The following PLSCR2 variants were observed in gnomAD, a reference collection of about 807,000 sequenced individuals.
The protein encoded by PLSCR2 is phospholipid scramblase 2.
A neutral mutation model predicts 25.3 loss-of-function variants in PLSCR2; 18 were observed. The observed-to-expected ratio is 0.71, with a 90% confidence interval of 0.49 to 1.06. The LOEUF (loss-of-function observed/expected upper bound fraction) is 1.06. Among genes scored for constraint, PLSCR2 ranks in the 50% least tolerant of loss-of-function variants. The pLI is 0.00. For synonymous variants in PLSCR2, 88 were observed against 87.3 expected (o/e 1.01, Z -0.04); for missense variants, 243 against 269.5 (o/e 0.90, Z 0.69).
intron 2 of PLSCR2, among the ~76,000 whole-genome samples, chr3:146,426,827 C>A (rs1204119079): frequency 2.0e-5 from 3 of 151,992 alleles, no homozygotes; most frequent in Non-Finnish European, 4.4e-5. Context: ...TAGTATTCTG[C>A]ACTAAATTAC....
chr3:146,450,150 A>G (rs2040813719), intron 5 of PLSCR2, among the ~76,000 whole-genome samples: 1 of 152,218 alleles, frequency 6.6e-6, no homozygotes, highest in African/African-American at 2.4e-5. Flanking sequence ...TAGTGGCGGA[A>G]TATAACTAAC....
At chr3:146,400,249 A>T (rs2038418860) in intron 2 of PLSCR2, among the ~76,000 whole-genome samples, 1 of 151,726 alleles carries the variant, frequency 6.6e-6, no homozygotes, top group African/African-American at 2.4e-5. Flanking sequence ...ATCTACAAAA[A>T]AGCTACTAGA....
At position 146,493,893 on chromosome 3, in the gene PLSCR2, T is replaced by C. The variant is rs542804687; in HGVS notation, c.-293+2002A>G. ...ATAGACATTATGTTGACATTAATAA[T>C]GTGTAAGATAATATGTTTATGGTTT... On this transcript the variant is annotated intron_variant, in intron 1 of 8. Transcript: ENST00000336685. Among the ~76,000 whole-genome samples, 20 of 149,800 alleles carry C rather than the reference T, an allele frequency of 1.3e-4. No individual in the cohort carries two copies. The South Asian group carries it at 4.3e-3, about 32-fold the overall frequency.
chr3:146,449,403 T>C, intron 5 of PLSCR2, 36 bp from the exon 6 acceptor site: 2 of 1,437,026 alleles, frequency 1.4e-6, no homozygotes, highest in South Asian at 1.3e-5. Flanking sequence ...TAAAAATTTC[T>C]AGAAAACTTA....
At chr3:146,406,403 G>A (rs892967323) in intron 2 of PLSCR2, among the ~76,000 whole-genome samples, 6 of 152,216 alleles carry the variant, frequency 3.9e-5, no homozygotes, top group Non-Finnish European at 7.4e-5. Context: ...CTGGCAGATT[G>A]TGTTGTTCTT....
At chr3:146,407,007 T>C (rs1299453691) in intron 2 of PLSCR2, among the ~76,000 whole-genome samples, 1 of 152,196 alleles carries the variant, frequency 6.6e-6, no homozygotes, top group Non-Finnish European at 1.5e-5. Context: ...GCAAGATAGG[T>C]GGCACCTTCC....
chr3:146,446,129 G>A (rs2040543314), intron 6 of PLSCR2, among the ~76,000 whole-genome samples: 1 of 152,066 alleles, frequency 6.6e-6, no homozygotes, highest in South Asian at 2.1e-4. Context: ...ACATATCTCT[G>A]CCTCCCTGTG....
At chr3:146,431,411 T>C (rs549993277), downstream of PLSCR2, among the ~76,000 whole-genome samples, 2 of 152,326 alleles carry the variant, frequency 1.3e-5, no homozygotes, top group African/African-American at 4.8e-5. Flanking sequence ...AACTCAGATT[T>C]TTAGCCAGCA....
rs183214372 is a variant in PLSCR2, at chr3:146,398,042, A to G, written c.101-2121T>C. Among the ~76,000 whole-genome samples, 1,218 of 152,140 alleles carry G rather than the reference A, an allele frequency of 8.0e-3. 6 individuals carry two copies. Among genetic ancestry groups the G allele is most frequent in the Middle Eastern group, 0.027 (8 of 294 alleles). The stretch of plus-strand genomic sequence containing the variant: ...AGATATTTTAGATATTCAAACAAAC[A>G]AACATGTTTTAGATGAAAGTTAGGG... On this transcript the variant is annotated intron_variant and NMD_transcript_variant, in intron 2 of 3. Transcript: ENST00000463633.
At chr3:146,393,882 T>A (rs2107970693) in intron 3 of PLSCR2, among the ~76,000 whole-genome samples, 1 of 151,640 alleles carries the variant, frequency 6.6e-6, no homozygotes, top group South Asian at 2.1e-4. Flanking sequence ...TTTAAATAAC[T>A]TTACTAATGT....
At chr3:146,392,170 A>G (rs55817202) in intron 3 of PLSCR2, among the ~76,000 whole-genome samples, 1,609 of 152,110 alleles carry the variant, frequency 0.011, 27 homozygotes, top group African/African-American at 0.036. Context: ...TTTGCTGTTT[A>G]TTTAAGTTTG....
chr3:146,429,132 T>C (rs547321376), downstream of PLSCR2, among the ~76,000 whole-genome samples: 14 of 152,302 alleles, frequency 9.2e-5, no homozygotes, highest in African/African-American at 3.4e-4. Flanking sequence ...TGGCTCATGG[T>C]TCTGCAGGCT....
downstream of PLSCR2, among the ~76,000 whole-genome samples, chr3:146,438,561 T>C (rs929134270): frequency 6.6e-5 from 10 of 152,178 alleles, no homozygotes; most frequent in South Asian, 2.1e-4. Flanking sequence ...TCTTTGTTGG[T>C]TTAAAGTCTG....
At chr3:146,493,162 T>C (rs1560065415) in intron 1 of PLSCR2, among the ~76,000 whole-genome samples, 1 of 151,868 alleles carries the variant, frequency 6.6e-6, no homozygotes, top group East Asian at 1.9e-4. Context: ...GAATGAGTAA[T>C]AAAAAACCTA....
intron 2 of PLSCR2, among the ~76,000 whole-genome samples, chr3:146,423,350 G>T (rs1219406809): frequency 6.8e-6 from 1 of 146,566 alleles, no homozygotes; most frequent in Middle Eastern, 3.4e-3. Context: ...TAACTTGGAA[G>T]TAAAATTGAT....
exon 5 of PLSCR2, chr3:146,454,067 C>T: frequency 6.2e-7 from 1 of 1,610,590 alleles, no homozygotes; most frequent in Non-Finnish European, 8.5e-7. Flanking sequence ...AGTACATCCT[C>T]TCTTTTCTGA....
intron 1 of PLSCR2, chr3:146,495,087 G>C (rs921353601): frequency 2.0e-5 from 3 of 152,132 alleles, no homozygotes; most frequent in African/African-American, 7.2e-5. Flanking sequence ...TGGGAAAGAG[G>C]AGTATCAATT....
At chr3:146,464,492 T>C (rs1436826852), upstream of PLSCR2, among the ~76,000 whole-genome samples, 1 of 152,196 alleles carries the variant, frequency 6.6e-6, no homozygotes, top group Non-Finnish European at 1.5e-5. Flanking sequence ...CTTTAAATCA[T>C]TGCTTCCACC....
downstream of PLSCR2, among the ~76,000 whole-genome samples, chr3:146,431,773 C>T (rs2039554323): frequency 1.3e-5 from 2 of 151,512 alleles, no homozygotes; most frequent in South Asian, 4.2e-4. Context: ...AACTATACAA[C>T]ATACTTGAAA....
Sources: gnomAD v4.1 joint callset for allele counts (sites outside exome capture counted in the v4.1 genomes callset) on GRCh38, gnomAD v4.1.1 for gene constraint, MANE v1.5 for transcripts, NCBI Gene and HGNC (gene_info 2026-07-23, HGNC 2026-07-21) for gene names.